Variants in TRAFD1 observed in about 807,000 individuals in gnomAD.
The protein encoded by TRAFD1 is TRAF-type zinc finger domain-containing protein 1.
TRAFD1 carries 38 observed loss-of-function variants against 65.3 expected under a neutral mutation model. The ratio of observed to expected loss-of-function variants is 0.58; its 90% CI spans 0.45 to 0.76. TRAFD1 has a LOEUF of 0.76. Among genes scored for constraint, TRAFD1 ranks in the 30% least tolerant of loss-of-function variants. TRAFD1 has a pLI of 0.00. For synonymous variants in TRAFD1, 223 were observed against 257.2 expected, an observed-to-expected ratio of 0.87 and a Z score of 1.27; for missense variants, 631 against 712.6, an observed-to-expected ratio of 0.89 and a Z score of 1.30.
chr12:112,134,230 G>A (rs1420520387), intron 2 of TRAFD1, among the ~76,000 whole-genome samples: 2 of 151,006 alleles, frequency 1.3e-5, no homozygotes, highest in African/African-American at 2.4e-5. Context: ...GGCTGATCTC[G>A]AACTCCTGAC....
intron 1 of TRAFD1, among the ~76,000 whole-genome samples, chr12:112,128,067 G>A (rs1016039407): frequency 7.9e-5 from 12 of 151,682 alleles, no homozygotes; most frequent in Non-Finnish European, 2.9e-5. Context: ...TGTTGCCCAG[G>A]CTGGGGTGCA....
At chr12:112,149,894 C>T (rs61941323) in intron 9 of TRAFD1, 23 bp downstream of exon 9, 11 of 1,613,138 alleles carry the variant, frequency 6.8e-6, no homozygotes, top group Non-Finnish European at 9.3e-6. Flanking sequence ...CAGGACTCAG[C>T]CAAGGCCGCA....
intron 9 of TRAFD1, among the ~76,000 whole-genome samples, chr12:112,150,720 C>A (rs139604033): frequency 9.6e-4 from 146 of 151,880 alleles, no homozygotes; most frequent in African/African-American, 3.1e-3. Flanking sequence ...ACCAACACAC[C>A]CAGCTAATTT....
chr12:112,149,490 G>T, intron 8 of TRAFD1: 1 of 322,604 alleles, frequency 3.1e-6, no homozygotes, highest in East Asian at 6.1e-5. Context: ...AAAAAAAAAA[G>T]AAATAAATGT....
chr12:112,152,199 G>A lies in TRAFD1; in HGVS notation c.1619+59G>A. On this transcript the variant is annotated intron_variant, in intron 10 of 11. Transcript: ENST00000412615. This position sits in a 1 kb window ranked among gnomAD's most constrained non-coding sequence, Gnocchi z 5.0. Reference sequence around the variant, plus strand: ...AGTAGCTGAAGCGAACATGGGCAAAGGCCTGGTTACCCTTGCCAGGCCTGG... The same window carrying A: ...AGTAGCTGAAGCGAACATGGGCAAAAGCCTGGTTACCCTTGCCAGGCCTGG... 1 of 1,552,948 alleles carries A rather than the reference G, an allele frequency of 6.4e-7. No individual in the cohort carries two copies. Among genetic ancestry groups the A allele is most frequent in the Non-Finnish European group, 8.7e-7 (1 of 1,149,326 alleles).
rs1456742628 is a variant in TRAFD1, at chr12:112,140,885, C to G, written c.304C>G (p.Leu102Val). Reference protein sequence around the residue: ...HCDLELSILKLKEHEDYCGAR... With the variant: ...HCDLELSILKVKEHEDYCGAR... The stretch of plus-strand genomic sequence containing the variant: ...TGATTTAGAACTTTCCATTCTCAAA[C>G]TGAAGGAACATGAAGATTATTGTGG... Residue 102 changes from leucine to valine, a missense_variant, in exon 5 of 12, where the codon CTG (leucine) becomes GTG (valine). By Grantham distance (32) the Leu-to-Val change is conservative. Coordinates refer to ENST00000412615, the MANE Select transcript of TRAFD1 (RefSeq NM_006700.3). The G allele has an allele frequency of 6.2e-7, 1 of 1,614,182 alleles. No homozygotes were observed. Among genetic ancestry groups the G allele is most frequent in the East Asian group, 2.2e-5 (1 of 44,888 alleles).
rs748662598 is a variant in TRAFD1 at position 112,141,196 on chromosome 12, A to G, written c.615A>G (p.Thr205=). 5.0e-6 allele frequency: 8 copies of G among 1,614,032 alleles called. No individual in the cohort carries two copies. The Admixed American group carries it at 1.0e-4, about 20-fold the overall frequency. Residue 205 remains threonine, a synonymous_variant, in exon 5 of 12, where the codon ACA becomes ACG. Transcript: ENST00000412615. ...GAACTACCAACCAAAGGAACATTACAGCCCAGGTTTCAATTCAGAATAATC... is the reference window on the plus strand; with the variant it reads ...GAACTACCAACCAAAGGAACATTACGGCCCAGGTTTCAATTCAGAATAATC... ...HNRTTNQRNI[T]AQVSIQNNLF...
At chr12:112,138,787 G>T (rs1401156937) in intron 4 of TRAFD1, among the ~76,000 whole-genome samples, 2 of 151,276 alleles carry the variant, frequency 1.3e-5, no homozygotes, top group African/African-American at 4.9e-5. Context: ...GAACCCAGGA[G>T]GCAGAGGTTG....
intron 4 of TRAFD1, among the ~76,000 whole-genome samples, chr12:112,140,601 G>C (rs2030058912): frequency 6.6e-6 from 1 of 151,988 alleles, no homozygotes; most frequent in African/African-American, 2.4e-5. Context: ...GCTGAGTAGT[G>C]GGCTCCCTCT....
Position 112,137,848 on chromosome 12 carries a change from A to C in TRAFD1, c.237+2782A>C, listed in dbSNP as rs1379983063. Among the ~76,000 whole-genome samples the C allele has an allele frequency of 6.6e-6, 1 of 152,220 alleles. No individual in the cohort carries two copies. Among genetic ancestry groups the C allele is most frequent in the Non-Finnish European group, 1.5e-5 (1 of 68,042 alleles). On this transcript the variant is annotated intron_variant, in intron 4 of 11. Coordinates refer to ENST00000412615, the MANE Select transcript of TRAFD1 (RefSeq NM_006700.3). This position sits in a 1 kb window ranked among gnomAD's most constrained non-coding sequence, Gnocchi z 4.2. ...TAGAAGAGTGGATATACATATGTAA[A>C]AATTCACCAAGGTATATACTTAAAG...
At chr12:112,149,611 G>A in intron 8 of TRAFD1, 140 bp from the exon 9 acceptor site, 1 of 1,116,368 alleles carries the variant, frequency 9.0e-7, no homozygotes, top group Non-Finnish European at 1.3e-6. Flanking sequence ...CAGATGTGTG[G>A]TTTCTGAAAG....
chr12:112,148,302 C>T lies in TRAFD1; in HGVS notation c.1156C>T (p.Gln386Ter), dbSNP rs758344797. Residue 386 changes from glutamine (Q) to a stop codon, truncating the protein, a stop_gained and splice_region_variant, in exon 8 of 12, where the codon CAG (glutamine) becomes TAG (stop). Coordinates refer to ENST00000412615, the MANE Select transcript of TRAFD1 (RefSeq NM_006700.3). LOFTEE classifies it high-confidence loss of function. ...QLEEEVLFHH[Q>*]DQCDQRPATA... Reference sequence around the variant, plus strand: ...GGAAGAGGAGGTGCTGTTCCATCACCAGGTAAGGGTCCCTGGAGTCCCTGT... The same window carrying T: ...GGAAGAGGAGGTGCTGTTCCATCACTAGGTAAGGGTCCCTGGAGTCCCTGT... 1.2e-6 allele frequency: 2 copies of T among 1,613,868 alleles called. No homozygotes were observed. Among genetic ancestry groups the T allele is most frequent in the Non-Finnish European group, 1.7e-6 (2 of 1,179,800 alleles).
intron 1 of TRAFD1, among the ~76,000 whole-genome samples, chr12:112,127,428 A>G (rs1408378180): frequency 6.6e-6 from 1 of 152,164 alleles, no homozygotes; most frequent in African/African-American, 2.4e-5. Context: ...TTTGTAAAGT[A>G]TTTTTAGTGC....
At chr12:112,151,719 A>C (rs1425649254) in intron 9 of TRAFD1, 82 bp from the exon 10 acceptor site, 18 of 1,366,166 alleles carry the variant, frequency 1.3e-5, no homozygotes, top group Non-Finnish European at 1.8e-5. Flanking sequence ...TTCTATCTGG[A>C]ATCTTTTTGT....
intron 1 of TRAFD1, among the ~76,000 whole-genome samples, chr12:112,128,795 G>C (rs2079553098): frequency 6.6e-6 from 1 of 152,114 alleles, no homozygotes; most frequent in Admixed American, 6.6e-5. Context: ...CCAGCACTTT[G>C]GGAGGCTGAG....
At chr12:112,136,950 C>T (rs997276510) in intron 4 of TRAFD1, among the ~76,000 whole-genome samples, 2 of 152,186 alleles carry the variant, frequency 1.3e-5, no homozygotes, top group Non-Finnish European at 2.9e-5. Flanking sequence ...TCCAGCCGGG[C>T]GTGATGGCTG....
Position 112,141,158 on chromosome 12 carries a change from G to A in TRAFD1, c.577G>A (p.Val193Ile). ...GCCCCTGAGAGCCTTTGAATCAGATGTTTTCCACAATAGAACTACCAACCA... is the reference window on the plus strand; with the variant it reads ...GCCCCTGAGAGCCTTTGAATCAGATATTTTCCACAATAGAACTACCAACCA... Reference protein sequence around the residue: ...RRPLRAFESDVFHNRTTNQRN... With the variant: ...RRPLRAFESDIFHNRTTNQRN... The change falls in exon 5 of 12, where the codon GTT (valine) becomes ATT (isoleucine). Residue 193 changes from valine (V) to isoleucine (I), a missense_variant. By Grantham distance (29) the Val-to-Ile change is conservative (BLOSUM62 3). Transcript: ENST00000412615. 2 of 1,614,190 alleles carry A rather than the reference G, an allele frequency of 1.2e-6. No homozygotes were observed. The highest frequency in any genetic ancestry group is 8.5e-7 in the Non-Finnish European group (1 of 1,180,034).
At chr12:112,138,067 C>T (rs551760530) in intron 4 of TRAFD1, among the ~76,000 whole-genome samples, 1 of 151,770 alleles carries the variant, frequency 6.6e-6, no homozygotes, top group Admixed American at 6.6e-5. Context: ...ATCGTGAGAC[C>T]CCTATCTCTA....
chr12:112,151,001 A>T (rs1437323468), intron 9 of TRAFD1, among the ~76,000 whole-genome samples: 4 of 152,014 alleles, frequency 2.6e-5, no homozygotes, highest in Non-Finnish European at 5.9e-5. Context: ...GCACTTTGGG[A>T]GGCTGAGGTG....
Sources: gnomAD v4.1 joint callset for allele counts (sites outside exome capture counted in the v4.1 genomes callset) on GRCh38, gnomAD v4.1.1 for gene constraint, Gnocchi (gnomAD v3.1) non-coding constraint, MANE v1.5 for transcripts, NCBI Gene and HGNC (gene_info 2026-07-23, HGNC 2026-07-21) for gene names.